The following CNTNAP5 variants were observed in gnomAD, a reference collection of about 807,000 sequenced individuals.
CNTNAP5 encodes the protein contactin-associated protein-like 5.
In CNTNAP5, 72 loss-of-function variants were observed where a neutral mutation model predicts 150.2. The observed-to-expected ratio is 0.48, with a 90% confidence interval of 0.40 to 0.58. CNTNAP5 has a LOEUF of 0.58. Among genes scored for constraint, CNTNAP5 ranks in the 20% least tolerant of loss-of-function variants. The pLI is 0.00. For synonymous variants in CNTNAP5, 672 were observed against 619.8 expected, an observed-to-expected ratio of 1.08 and a Z score of -1.25; for missense variants, 1,636 against 1,626.2, an observed-to-expected ratio of 1.01 and a Z score of -0.10.
At chr2:124,310,235 C>T (rs1015921242) in intron 3 of CNTNAP5, among the ~76,000 whole-genome samples, 11 of 151,964 alleles carry the variant, frequency 7.2e-5, no homozygotes, top group Non-Finnish European at 1.6e-4. Flanking sequence ...TTAATGCTGG[C>T]ATATTGGGGC....
At chr2:124,037,372 A>T (rs1374323996) in intron 1 of CNTNAP5, among the ~76,000 whole-genome samples, 3 of 152,202 alleles carry the variant, frequency 2.0e-5, no homozygotes, top group Non-Finnish European at 4.4e-5. Context: ...TTATCTTTAA[A>T]TTCTGCTCTC....
intron 11 of CNTNAP5, among the ~76,000 whole-genome samples, chr2:124,577,570 T>G (rs1412279241): frequency 1.3e-5 from 2 of 152,206 alleles, no homozygotes; most frequent in African/African-American, 4.8e-5. Flanking sequence ...ATTGAAGGTC[T>G]GCTTCCTGTT....
chr2:124,694,867 C>T (rs1189591518), intron 13 of CNTNAP5, among the ~76,000 whole-genome samples: 1 of 152,074 alleles, frequency 6.6e-6, no homozygotes, highest in East Asian at 1.9e-4. Context: ...TCATTTACAT[C>T]AGTGAGTAAG....
intron 1 of CNTNAP5, among the ~76,000 whole-genome samples, chr2:124,040,621 C>CTCTG: frequency 6.9e-6 from 1 of 145,148 alleles, no homozygotes; most frequent in South Asian, 2.3e-4. Flanking sequence ...CTGTATGCCT[C>CTCTG]TGTGTGTGTG....
intron 1 of CNTNAP5, among the ~76,000 whole-genome samples, chr2:124,111,792 T>C (rs1200637762): frequency 6.6e-6 from 1 of 152,220 alleles, no homozygotes; most frequent in Non-Finnish European, 1.5e-5. Context: ...TTCCAAATAA[T>C]AACTTTTATT....
intron 19 of CNTNAP5, among the ~76,000 whole-genome samples, chr2:124,860,638 A>C (rs927619306): frequency 6.6e-6 from 1 of 151,892 alleles, no homozygotes; most frequent in Non-Finnish European, 1.5e-5. Flanking sequence ...GCCAGACACT[A>C]GAAACCCAAG....
intron 19 of CNTNAP5, among the ~76,000 whole-genome samples, chr2:124,832,238 A>G (rs558950839): frequency 6.6e-6 from 1 of 152,114 alleles, no homozygotes; most frequent in Non-Finnish European, 1.5e-5. Flanking sequence ...TTATTTATTA[A>G]GGATTTTCTT....
chr2:124,864,327 T>C (rs560958762), intron 19 of CNTNAP5, among the ~76,000 whole-genome samples: 7 of 152,318 alleles, frequency 4.6e-5, no homozygotes, highest in Non-Finnish European at 8.8e-5. Context: ...AGCACAACCA[T>C]TATCTCACAC....
At chr2:124,455,909 A>G (rs1237285216) in intron 6 of CNTNAP5, among the ~76,000 whole-genome samples, 1 of 152,170 alleles carries the variant, frequency 6.6e-6, no homozygotes, top group Non-Finnish European at 1.5e-5. Flanking sequence ...TGCAAGGGAC[A>G]TACTTCCATG....
intron 3 of CNTNAP5, among the ~76,000 whole-genome samples, chr2:124,349,553 C>T (rs556478399): frequency 2.6e-5 from 4 of 152,178 alleles, no homozygotes; most frequent in Non-Finnish European, 2.9e-5. Flanking sequence ...GCTTGAGTCC[C>T]GTATATAGTA....
At chr2:124,577,304 T>G (rs1022109846) in intron 11 of CNTNAP5, among the ~76,000 whole-genome samples, 20 of 152,338 alleles carry the variant, frequency 1.3e-4, no homozygotes, top group African/African-American at 4.8e-4. Context: ...TTACTTATTT[T>G]AATTAGCATG....
chr2:124,238,303 G>A (rs765513852), intron 2 of CNTNAP5, among the ~76,000 whole-genome samples: 1 of 152,036 alleles, frequency 6.6e-6, no homozygotes, highest in Non-Finnish European at 1.5e-5. Flanking sequence ...CTGTTTGCAT[G>A]ATGGAGATCA....
intron 3 of CNTNAP5, among the ~76,000 whole-genome samples, chr2:124,380,151 A>T (rs757919821): frequency 1.3e-5 from 2 of 152,160 alleles, no homozygotes; most frequent in East Asian, 1.9e-4. Flanking sequence ...TCAGATATCA[A>T]TAGTTTATTA....
At chr2:124,832,503 C>A (rs976722025) in intron 19 of CNTNAP5, among the ~76,000 whole-genome samples, 5 of 152,184 alleles carry the variant, frequency 3.3e-5, no homozygotes, top group Non-Finnish European at 2.9e-5. Flanking sequence ...AAAATTGGAA[C>A]CTTTTTCCAT....
intron 14 of CNTNAP5, among the ~76,000 whole-genome samples, chr2:124,752,682 G>T (rs1005658488): frequency 1.3e-5 from 2 of 152,202 alleles, no homozygotes; most frequent in Non-Finnish European, 2.9e-5. Flanking sequence ...ATGACTGTCT[G>T]CAAAGGAACT....
intron 22 of CNTNAP5, among the ~76,000 whole-genome samples, chr2:124,905,560 T>C (rs1473088667): frequency 6.6e-6 from 1 of 152,180 alleles, no homozygotes; most frequent in Non-Finnish European, 1.5e-5. Context: ...TCTGAAAATG[T>C]ATCTGGGATT....
chr2:124,166,736 C>T (rs967487843), intron 1 of CNTNAP5, among the ~76,000 whole-genome samples: 1 of 152,072 alleles, frequency 6.6e-6, no homozygotes, highest in East Asian at 1.9e-4. Context: ...ACAAATCAGA[C>T]AATTAGGCTT....
At chr2:124,146,163 C>T (rs78400637) in intron 1 of CNTNAP5, among the ~76,000 whole-genome samples, 3,850 of 152,202 alleles carry the variant, frequency 0.025, 180 homozygotes, top group African/African-American at 0.087. Flanking sequence ...TGGCGGCAGT[C>T]GTCCTGACAC....
intron 2 of CNTNAP5, among the ~76,000 whole-genome samples, chr2:124,224,838 G>T (rs1686417005): frequency 6.6e-6 from 1 of 152,072 alleles, no homozygotes; most frequent in Non-Finnish European, 1.5e-5. Flanking sequence ...TATATTGGAA[G>T]TATCAGTATA....
Sources: allele counts gnomAD v4.1 joint callset (sites outside exome capture counted in the v4.1 genomes callset), GRCh38; gene constraint gnomAD v4.1.1; transcripts MANE v1.5; gene names NCBI Gene and HGNC (gene_info 2026-07-23, HGNC 2026-07-21).